Variants in MAPK6 observed in about 807,000 individuals in gnomAD.
MAPK6 encodes the protein mitogen-activated protein kinase 6, also known as ERK-3.
In MAPK6, 19 loss-of-function variants were observed where a neutral mutation model predicts 59.3. The ratio of observed to expected loss-of-function variants is 0.32; its 90% CI spans 0.22 to 0.47. The LOEUF is 0.47. Among genes scored for constraint, MAPK6 ranks in the 20% least tolerant of loss-of-function variants. MAPK6 has a pLI of 1.00. For missense variants in MAPK6, 724 were observed against 847.9 expected (o/e 0.85, Z 1.81); for synonymous variants, 316 against 290.3 (o/e 1.09, Z -0.90).
chr15:51,976,033 G>A (rs375627567), intron 1 of MAPK6, among the ~76,000 whole-genome samples: 72 of 151,792 alleles, frequency 4.7e-4, no homozygotes, highest in African/African-American at 1.7e-3. Context: ...TTGGGAGGCC[G>A]AGGCGGGCGG....
intron 2 of MAPK6, among the ~76,000 whole-genome samples, chr15:51,984,549 C>T (rs1430995208): frequency 6.7e-6 from 1 of 150,022 alleles, no homozygotes; most frequent in Non-Finnish European, 1.5e-5. Flanking sequence ...GTGATCCGCC[C>T]GCCTCAGCCT....
chr15:51,997,302 T>G (rs973700275), intron 2 of MAPK6, among the ~76,000 whole-genome samples: 1 of 145,694 alleles, frequency 6.9e-6, no homozygotes, highest in Non-Finnish European at 1.5e-5. Flanking sequence ...AACAGAGTCT[T>G]GCTTTGTCAC....
chr15:52,062,233 G>C (rs758550212), intron 5 of MAPK6, among the ~76,000 whole-genome samples: 2 of 151,714 alleles, frequency 1.3e-5, no homozygotes, highest in Non-Finnish European at 2.9e-5. Context: ...TTTTATGTTG[G>C]CCAGGCTGGT....
In MAPK6 at chr15:51,994,085, C is replaced by T. The variant is rs150324421; in HGVS notation, c.-769-10180C>T. Among the ~76,000 whole-genome samples, 501 of 152,216 alleles carry T rather than the reference C, an allele frequency of 3.3e-3. 3 individuals carry two copies. The highest frequency in any genetic ancestry group is 0.012 in the African/African-American group (488 of 41,536). ...AAGCGATTCTCCTGCCTCAGCCTCC[C>T]GAATAGCTGGGATTACAGGCATTCG... On this transcript the variant is annotated intron_variant, in intron 2 of 7. Coordinates refer to the MAPK6 transcript ENST00000691380.
At chr15:52,024,424 G>A (rs1221186063) in intron 1 of MAPK6, among the ~76,000 whole-genome samples, 2 of 147,634 alleles carry the variant, frequency 1.4e-5, no homozygotes, top group Non-Finnish European at 3.0e-5. Flanking sequence ...TTTTGGAGAC[G>A]GAGTCTCACT....
Position 52,049,709 on chromosome 15 carries a change from G to A in MAPK6, c.556-284G>A, listed in dbSNP as rs144511952. ...GGCTCACCGCAACCTCTACCTCCCG[G>A]GTTCGAGCGATTCTCCTGGCTCAGC... On this transcript the variant is annotated intron_variant, in intron 2 of 5. Coordinates refer to ENST00000261845, the MANE Select transcript of MAPK6 (RefSeq NM_002748.4). Among the ~76,000 whole-genome samples the A allele has an allele frequency of 8.5e-3, 1,287 of 151,062 alleles. 23 individuals carry two copies. Among genetic ancestry groups the A allele is most frequent in the Non-Finnish European group, 8.1e-3 (549 of 67,748 alleles).
chr15:51,999,829 A>C (rs930323283), intron 2 of MAPK6, among the ~76,000 whole-genome samples: 1 of 151,966 alleles, frequency 6.6e-6, no homozygotes, highest in African/African-American at 2.4e-5. Context: ...TTTTCTGTAG[A>C]GACAGGGTTT....
Position 52,019,379 on chromosome 15 carries a change from G to A in MAPK6, c.-632+3G>A, listed in dbSNP as rs2030397740. 6.6e-6 allele frequency: 1 copy of A among 151,806 alleles called. No homozygotes were observed. Among genetic ancestry groups the A allele is most frequent in the Admixed American group, 6.6e-5 (1 of 15,158 alleles). 9.4% of individuals were successfully genotyped at this position (151,806 alleles called of 1,614,324 possible). ...TCTCGATGAGTCGGAGAAGTCCCGT[G>A]AGTGTGTGTGTGTACGTGTGCGGGG... On this transcript the variant is annotated splice_donor_region_variant and intron_variant, in intron 1 of 5. Coordinates refer to ENST00000261845, the MANE Select transcript of MAPK6 (RefSeq NM_002748.4).
intron 1 of MAPK6, 77 bp downstream of exon 1, chr15:52,019,453 G>GCGGCGGCGGCGGCGA (rs1418188279): frequency 2.7e-5 from 4 of 147,114 alleles, no homozygotes. Flanking sequence ...CCCGGCGGCG[G>GCGGCGGCGGCGGCGA]CGGCGGCGGC....
intron 2 of MAPK6, among the ~76,000 whole-genome samples, chr15:52,003,902 C>T (rs1312998260): frequency 3.3e-5 from 5 of 152,180 alleles, no homozygotes. Context: ...CAATATAATT[C>T]CAAGACTTCA....
intron 3 of MAPK6, among the ~76,000 whole-genome samples, chr15:52,009,447 C>G (rs1401221917): frequency 1.3e-5 from 2 of 152,150 alleles, no homozygotes; most frequent in Non-Finnish European, 2.9e-5. Flanking sequence ...ACTAAATTTC[C>G]CTGAAGCCAG....
At chr15:52,060,555 ATGG>A (rs1348383604) in intron 4 of MAPK6, among the ~76,000 whole-genome samples, 1 of 152,180 alleles carries the variant, frequency 6.6e-6, no homozygotes, top group Non-Finnish European at 1.5e-5. Context: ...GAGAGAGTAG[ATGG>A]TGGTGGTGAT....
At chr15:52,029,340 C>G (rs1249770837) in intron 1 of MAPK6, among the ~76,000 whole-genome samples, 1 of 152,074 alleles carries the variant, frequency 6.6e-6, no homozygotes, top group Non-Finnish European at 1.5e-5. Flanking sequence ...AAACAGGCTT[C>G]TCTCCTTTAC....
chr15:52,061,250 TAAAGGTA>T, intron 4 of MAPK6, 42 bp from the exon 5 acceptor site: 1 of 1,388,034 alleles, frequency 7.2e-7, no homozygotes, highest in Non-Finnish European at 1.0e-6. Flanking sequence ...ACTGTTTTTC[TAAAGGTA>T]AGCAATTCTT....
At chr15:52,016,052 T>TCGTGCG (rs1555396564), upstream of MAPK6, among the ~76,000 whole-genome samples, 8 of 68,652 alleles carry the variant, frequency 1.2e-4, 1 homozygote, top group Non-Finnish European at 1.9e-4. Flanking sequence ...CCAAACTCCA[T>TCGTGCG]CGCGCGCGCG....
intron 2 of MAPK6, among the ~76,000 whole-genome samples, chr15:51,995,803 C>A (rs2141820000): frequency 6.6e-6 from 1 of 152,224 alleles, no homozygotes; most frequent in East Asian, 1.9e-4. Context: ...TGGCGCATGC[C>A]TATAGTCCCA....
intron 2 of MAPK6, among the ~76,000 whole-genome samples, chr15:52,002,866 T>C (rs1208128672): frequency 6.6e-6 from 1 of 151,888 alleles, no homozygotes; most frequent in East Asian, 1.9e-4. Context: ...AGAGAGTGTA[T>C]GTGAAGGAGG....
intron 3 of MAPK6, among the ~76,000 whole-genome samples, chr15:52,056,293 A>T (rs555687072): frequency 6.2e-4 from 94 of 152,214 alleles, no homozygotes; most frequent in African/African-American, 2.2e-3. Flanking sequence ...TCTTCACTTT[A>T]CCTCTTCTGC....
intron 3 of MAPK6, chr15:52,056,726 G>A (rs2031998253): frequency 6.6e-6 from 1 of 152,248 alleles, no homozygotes; most frequent in African/African-American, 2.4e-5. Context: ...TTCTCCTCGT[G>A]TTGGAAGTAT....
Sources: allele counts gnomAD v4.1 joint callset (sites outside exome capture counted in the v4.1 genomes callset), GRCh38; gene constraint gnomAD v4.1.1; transcripts MANE v1.5; gene names NCBI Gene and HGNC (gene_info 2026-07-23, HGNC 2026-07-21).